LINGO2: variants seen among roughly 807,000 people sequenced by gnomAD.
LINGO2 encodes the protein leucine-rich repeat and immunoglobulin-like domain-containing nogo receptor-interacting protein 2.
A neutral mutation model predicts 30.6 loss-of-function variants in LINGO2; 14 were observed. The ratio of observed to expected loss-of-function variants is 0.46; its 90% CI spans 0.30 to 0.72. The LOEUF is 0.72. Among genes scored for constraint, LINGO2 ranks in the 30% least tolerant of loss-of-function variants. The pLI is 0.07. For missense variants in LINGO2, 729 were observed against 751.7 expected, an observed-to-expected ratio of 0.97 and a Z score of 0.35; for synonymous variants, 317 against 288.5, an observed-to-expected ratio of 1.10 and a Z score of -1.00.
chr9:28,496,206 G>C (rs992339842), intron 1 of LINGO2, among the ~76,000 whole-genome samples: 4 of 152,024 alleles, frequency 2.6e-5, no homozygotes, highest in Non-Finnish European at 5.9e-5. Flanking sequence ...TTCAATTCCT[G>C]GATATCCTTT....
intron 5 of LINGO2, among the ~76,000 whole-genome samples, chr9:27,969,372 C>A (rs945708069): frequency 3.5e-4 from 53 of 152,086 alleles, no homozygotes; most frequent in African/African-American, 1.3e-3. Context: ...CTGTTAGTGT[C>A]TAACGATGTG....
chr9:29,020,958 T>G, the LINGO2 span, among the ~76,000 whole-genome samples: 1 of 152,172 alleles, frequency 6.6e-6, no homozygotes, highest in Non-Finnish European at 1.5e-5. Context: ...AAAATAAGCA[T>G]AATAAAAGTC....
the LINGO2 span, among the ~76,000 whole-genome samples, chr9:29,099,423 A>G: frequency 6.6e-6 from 1 of 152,310 alleles, no homozygotes; most frequent in East Asian, 1.9e-4. Flanking sequence ...TGCCAAAGAA[A>G]CAATCAATGT....
At chr9:29,169,057 C>T in the LINGO2 span, among the ~76,000 whole-genome samples, 1 of 152,150 alleles carries the variant, frequency 6.6e-6, no homozygotes, top group Admixed American at 6.5e-5. Context: ...AAGTGATTCT[C>T]CTGCCTCAGC....
At chr9:28,412,140 T>G (rs1822788554) in intron 2 of LINGO2, among the ~76,000 whole-genome samples, 1 of 151,020 alleles carries the variant, frequency 6.6e-6, no homozygotes, top group Non-Finnish European at 1.5e-5. Context: ...ATTATACTAC[T>G]TTGTCTGCCT....
chr9:28,347,943 T>C (rs1819657915), intron 3 of LINGO2, among the ~76,000 whole-genome samples: 2 of 152,192 alleles, frequency 1.3e-5, no homozygotes, highest in Non-Finnish European at 2.9e-5. Flanking sequence ...TTATCATTTA[T>C]AGAAATATCC....
intron 1 of LINGO2, among the ~76,000 whole-genome samples, chr9:28,548,694 C>T (rs1020214105): frequency 1.1e-5 from 1 of 93,238 alleles, no homozygotes; most frequent in African/African-American, 4.3e-5. Flanking sequence ...CAGAGCGAGA[C>T]TCCATCTCAA....
the LINGO2 span, among the ~76,000 whole-genome samples, chr9:28,947,158 T>G: frequency 6.6e-6 from 1 of 152,056 alleles, no homozygotes; most frequent in Non-Finnish European, 1.5e-5. Context: ...TATATCTATA[T>G]CTATATATCT....
At chr9:28,326,092 C>T (rs775423241) in intron 3 of LINGO2, among the ~76,000 whole-genome samples, 3 of 152,228 alleles carry the variant, frequency 2.0e-5, no homozygotes, top group Admixed American at 6.5e-5. Context: ...CTGCAACCTC[C>T]GCCTCCTGGG....
At chr9:28,063,836 T>G (rs1825229343) in intron 4 of LINGO2, among the ~76,000 whole-genome samples, 1 of 152,122 alleles carries the variant, frequency 6.6e-6, no homozygotes, top group Non-Finnish European at 1.5e-5. Context: ...ATAATTGATA[T>G]TGTGGTTCTG....
intron 4 of LINGO2, among the ~76,000 whole-genome samples, chr9:28,122,267 TATG>T (rs1459253503): frequency 3.9e-5 from 6 of 152,216 alleles, no homozygotes; most frequent in Non-Finnish European, 8.8e-5. Context: ...ACTCAAGCTA[TATG>T]ATGTTATTAT....
chr9:28,367,495 C>A (rs761091228), intron 3 of LINGO2, among the ~76,000 whole-genome samples: 2 of 151,840 alleles, frequency 1.3e-5, no homozygotes, highest in Non-Finnish European at 2.9e-5. Flanking sequence ...TTCTTATATT[C>A]ATGACCTTAT....
intron 3 of LINGO2, among the ~76,000 whole-genome samples, chr9:28,334,366 A>G (rs910234188): frequency 3.3e-5 from 5 of 152,166 alleles, no homozygotes; most frequent in African/African-American, 1.2e-4. Context: ...TCAGCCAATT[A>G]TTATGTCTAT....
chr9:28,262,833 A>C (rs972558339), intron 4 of LINGO2, among the ~76,000 whole-genome samples: 2 of 151,944 alleles, frequency 1.3e-5, no homozygotes, highest in Non-Finnish European at 2.9e-5. Context: ...ATGAACTTCA[A>C]TTTTCAGTAA....
chr9:28,659,419 C>T (rs369649595), intron 1 of LINGO2, among the ~76,000 whole-genome samples: 1 of 151,800 alleles, frequency 6.6e-6, no homozygotes, highest in Non-Finnish European at 1.5e-5. Flanking sequence ...ACAGCAATAG[C>T]TTGACAGCTG....
intron 2 of LINGO2, among the ~76,000 whole-genome samples, chr9:28,413,749 T>C (rs1822862037): frequency 6.6e-6 from 1 of 152,052 alleles, no homozygotes; most frequent in Non-Finnish European, 1.5e-5. Flanking sequence ...CTTAGACTGA[T>C]CCTTTCTGCT....
intron 4 of LINGO2, among the ~76,000 whole-genome samples, chr9:28,182,834 T>C (rs1819403258): frequency 6.6e-6 from 1 of 152,106 alleles, no homozygotes. Context: ...TGTGAAGAAA[T>C]ATGAACACTT....
chr9:29,160,549 C>T, the LINGO2 span, among the ~76,000 whole-genome samples: 1 of 152,154 alleles, frequency 6.6e-6, no homozygotes, highest in African/African-American at 2.4e-5. Flanking sequence ...CTTTATCCTG[C>T]TCAAGTTTCT....
At chr9:28,773,005 GA>G in the LINGO2 span, among the ~76,000 whole-genome samples, 1 of 152,080 alleles carries the variant, frequency 6.6e-6, no homozygotes, top group South Asian at 2.1e-4. Context: ...AAAATGTCAT[GA>G]AAAATAATAA....
Sources: gnomAD v4.1 joint callset for allele counts (sites outside exome capture counted in the v4.1 genomes callset) on GRCh38, gnomAD v4.1.1 for gene constraint, MANE v1.5 for transcripts, NCBI Gene and HGNC (gene_info 2026-07-23, HGNC 2026-07-21) for gene names.